KDM4B: variants seen among roughly 807,000 people sequenced by gnomAD.
KDM4B encodes the protein lysine demethylase 4B.
A neutral mutation model predicts 125.2 loss-of-function variants in KDM4B; 32 were observed. The ratio of observed to expected loss-of-function variants is 0.26; its 90% CI spans 0.19 to 0.34. The LOEUF (loss-of-function observed/expected upper bound fraction) is 0.34, where lower values mean the gene tolerates loss of function less well. Ranked by LOEUF, KDM4B falls within the 10% of genes least tolerant of loss-of-function variation. The pLI, the probability that KDM4B is intolerant of heterozygous loss-of-function variation, is 1.00. For missense variants in KDM4B, 1,190 were observed against 1,577.7 expected, an observed-to-expected ratio of 0.75 and a Z score of 4.16; for synonymous variants, 721 against 677.9, an observed-to-expected ratio of 1.06 and a Z score of -0.99.
At chr19:5,149,538 G>A (rs1266444373) in intron 21 of KDM4B, among the ~76,000 whole-genome samples, 1 of 152,200 alleles carries the variant, frequency 6.6e-6, no homozygotes, top group Non-Finnish European at 1.5e-5. Context: ...GGAGCAGAAC[G>A]GCAGTCAGGC....
chr19:5,141,717 G>T lies in KDM4B; in HGVS notation c.2551-2250G>T, dbSNP rs957442282. Among the ~76,000 whole-genome samples the T allele has an allele frequency of 6.6e-6, 1 of 152,206 alleles. No individual in the cohort carries two copies. Among genetic ancestry groups the T allele is most frequent in the Admixed American group, 6.5e-5 (1 of 15,282 alleles). ...GTGAGTCAGGGGGCTCCGGCTGGCC[G>T]CCCGCCTGGGCCAAGTTATCACCAC... On this transcript the variant is annotated intron_variant, in intron 18 of 22. Transcript: ENST00000159111. The surrounding 1 kb of genome is among the most constrained non-coding windows in gnomAD (Gnocchi z 6.4).
chr19:5,003,682 G>C (rs960994443), intron 1 of KDM4B, among the ~76,000 whole-genome samples: 2 of 151,976 alleles, frequency 1.3e-5, no homozygotes, highest in Non-Finnish European at 2.9e-5. Flanking sequence ...GGTGGTGGGC[G>C]CCTGTAATCC....
At position 5,142,912 on chromosome 19, in the gene KDM4B, G is replaced by T. The variant is rs966928607; in HGVS notation, c.2551-1055G>T. Among the ~76,000 whole-genome samples the T allele has an allele frequency of 6.6e-6, 1 of 152,018 alleles. No individual in the cohort carries two copies. The highest frequency in any genetic ancestry group is 2.4e-5 in the African/African-American group (1 of 41,394). ...AGCTGGGCCTGGCGTGGGTGTGGCG[G>T]CCGCCAGGGCCCCGGTGCTGGCTCG... is the stretch of plus-strand genomic sequence containing the variant. On this transcript the variant is annotated intron_variant, in intron 18 of 22. Coordinates refer to ENST00000159111, the MANE Select transcript of KDM4B (RefSeq NM_015015.3). The surrounding 1 kb of genome is among the most constrained non-coding windows in gnomAD (Gnocchi z 5.4).
At chr19:4,991,411 C>G (rs994723067) in intron 1 of KDM4B, among the ~76,000 whole-genome samples, 5 of 152,034 alleles carry the variant, frequency 3.3e-5, no homozygotes, top group African/African-American at 1.2e-4. Context: ...TCCAGTAGTT[C>G]GAGACCAGCC....
intron 3 of KDM4B, among the ~76,000 whole-genome samples, chr19:5,033,772 T>C (rs2036532651): frequency 6.6e-6 from 1 of 152,146 alleles, no homozygotes; most frequent in Non-Finnish European, 1.5e-5. Context: ...CTCGGCATAT[T>C]GTGCACGCGT....
intron 2 of KDM4B, among the ~76,000 whole-genome samples, chr19:5,030,959 C>T (rs1164491752): frequency 1.3e-5 from 2 of 152,258 alleles, no homozygotes; most frequent in East Asian, 1.9e-4. Flanking sequence ...TTCTGCCACC[C>T]AGTCCTCCCA....
At chr19:5,020,090 G>GGTGTGCAGGTGTTA (rs1266902797) in intron 2 of KDM4B, among the ~76,000 whole-genome samples, 3 of 144,448 alleles carry the variant, frequency 2.1e-5, no homozygotes, top group East Asian at 4.3e-4. Context: ...TGTGGATGTT[G>GGTGTGCAGGTGTTA]GTGTGCAGGT....
intron 1 of KDM4B, among the ~76,000 whole-genome samples, chr19:5,001,532 G>C (rs181736276): frequency 6.6e-6 from 1 of 152,236 alleles, no homozygotes. Context: ...GTGGCGAACT[G>C]TGCTGCCGTG....
Position 5,115,091 on chromosome 19 carries a change from G to A in KDM4B, c.1115+4273G>A, listed in dbSNP as rs936611676. Among the ~76,000 whole-genome samples, 7 of 152,212 alleles carry A rather than the reference G, an allele frequency of 4.6e-5. No individual in the cohort carries two copies. The highest frequency in any genetic ancestry group is 1.5e-5 in the Non-Finnish European group (1 of 68,036). The stretch of plus-strand genomic sequence containing the variant: ...TCCAGGCTTTGAAAAGCAGGGAAGG[G>A]TGGGCAGGAGACCCCATGGGCCGGC... On this transcript the variant is annotated intron_variant, in intron 10 of 22. Transcript: ENST00000159111. The surrounding 1 kb of genome is among the most constrained non-coding windows in gnomAD (Gnocchi z 4.2).
intron 18 of KDM4B, 41 bp from the exon 19 acceptor site, chr19:5,143,926 A>T: frequency 6.7e-7 from 1 of 1,489,064 alleles, no homozygotes. Flanking sequence ...GTCCCTAGGG[A>T]AGCTCGAGCC....
intron 1 of KDM4B, among the ~76,000 whole-genome samples, chr19:4,973,440 C>T (rs1451880266): frequency 6.6e-6 from 1 of 152,114 alleles, no homozygotes; most frequent in Non-Finnish European, 1.5e-5. Context: ...CCGCCTGCCT[C>T]GGCCTCCCAA....
intron 6 of KDM4B, among the ~76,000 whole-genome samples, chr19:5,060,230 G>A (rs548783320): frequency 9.9e-5 from 15 of 152,168 alleles, no homozygotes; most frequent in Admixed American, 4.6e-4. Context: ...ACCTGAGGTC[G>A]GAGTTTGAGA....
chr19:5,061,838 AAAC>A (rs1380741359), intron 6 of KDM4B, among the ~76,000 whole-genome samples: 1 of 151,954 alleles, frequency 6.6e-6, no homozygotes, highest in African/African-American at 2.4e-5. Context: ...TAAAAAAAAA[AAAC>A]AAAAAACAAC....
intron 9 of KDM4B, among the ~76,000 whole-genome samples, chr19:5,096,672 C>T (rs929602154): frequency 2.0e-5 from 3 of 151,342 alleles, no homozygotes; most frequent in African/African-American, 4.9e-5. Context: ...GGAAGTGTCC[C>T]GCGGTGCCCC....
At chr19:5,136,098 G>A (rs1449472338) in intron 15 of KDM4B, among the ~76,000 whole-genome samples, 1 of 152,244 alleles carries the variant, frequency 6.6e-6, no homozygotes, top group African/African-American at 2.4e-5. Context: ...CTTGGCCCAG[G>A]CAGGGTTCCT....
chr19:5,083,538 C>A (rs2038371773), intron 9 of KDM4B, among the ~76,000 whole-genome samples: 1 of 152,186 alleles, frequency 6.6e-6, no homozygotes, highest in Non-Finnish European at 1.5e-5. Flanking sequence ...CCCTGAAGTC[C>A]CCTGCGTGCT....
Position 5,143,989 on chromosome 19 carries a change from G to A in KDM4B, c.2573G>A (p.Arg858Gln), listed in dbSNP as rs758876788. ...WKLKCVYCRKRMKKVSGACIQ... is the reference protein window; with the variant it reads ...WKLKCVYCRKQMKKVSGACIQ... ...CAGAAATGCGTGTACTGCCGGAAGC[G>A]GATGAAGAAGGTGTCAGGTGCCTGT... Residue 858 changes from arginine (R) to glutamine (Q), a missense_variant, in exon 19 of 23, where the codon CGG becomes CAG. By Grantham distance (43) the Arg-to-Gln change is conservative. Around this residue, in one of 7 missense-constraint regions of KDM4B, gnomAD observed 298 missense variants for 439.7 expected, o/e 0.68. Coordinates refer to ENST00000159111, the MANE Select transcript of KDM4B (RefSeq NM_015015.3). 39 of 1,586,726 alleles carry A rather than the reference G, an allele frequency of 2.5e-5. No individual in the cohort carries two copies. The highest frequency in any genetic ancestry group is 1.7e-4 in the Middle Eastern group (1 of 6,006).
At chr19:5,135,848 C>G (rs2039639963) in intron 15 of KDM4B, among the ~76,000 whole-genome samples, 1 of 152,256 alleles carries the variant, frequency 6.6e-6, no homozygotes, top group South Asian at 2.1e-4. Context: ...TCCACCGCCC[C>G]CAGCATCCAG....
At chr19:5,087,433 G>C (rs1027618095) in intron 9 of KDM4B, among the ~76,000 whole-genome samples, 5 of 152,186 alleles carry the variant, frequency 3.3e-5, no homozygotes. Flanking sequence ...CTCGGGGCTG[G>C]TGACCTTTGG....
Sources: gnomAD v4.1 joint callset for allele counts (sites outside exome capture counted in the v4.1 genomes callset) on GRCh38, gnomAD v4.1.1 for gene constraint, gnomAD v4.1.1 regional missense constraint, Gnocchi (gnomAD v3.1) non-coding constraint, MANE v1.5 for transcripts, NCBI Gene and HGNC (gene_info 2026-07-23, HGNC 2026-07-21) for gene names.